Variants in SLC4A4 observed in about 807,000 individuals in gnomAD.
SLC4A4 encodes the protein solute carrier family 4 member 4.
Under a neutral mutation model 111.5 loss-of-function variants are expected in SLC4A4, and 27 were observed. The ratio of observed to expected loss-of-function variants is 0.24; its 90% CI spans 0.18 to 0.33. The LOEUF (loss-of-function observed/expected upper bound fraction) is 0.33, where lower values mean the gene tolerates loss of function less well. Among genes scored for constraint, SLC4A4 ranks in the 10% least tolerant of loss-of-function variants. The pLI, the probability that SLC4A4 is intolerant of heterozygous loss-of-function variation, is 1.00. For missense variants in SLC4A4, 909 were observed against 1,315.5 expected (o/e 0.69, Z 4.78); for synonymous variants, 443 against 463.4 (o/e 0.96, Z 0.57).
At chr4:71,159,433 G>A (rs1744563729) in intron 2 of SLC4A4, among the ~76,000 whole-genome samples, 1 of 152,034 alleles carries the variant, frequency 6.6e-6, no homozygotes, top group East Asian at 1.9e-4. Flanking sequence ...GAGTATAGTG[G>A]CGTGATCTTG....
chr4:71,242,702 T>C (rs1720339837), intron 2 of SLC4A4, among the ~76,000 whole-genome samples: 2 of 151,354 alleles, frequency 1.3e-5, no homozygotes, highest in African/African-American at 2.4e-5. Context: ...TATAATTTTC[T>C]TTTAATTACT....
chr4:71,149,561 A>G (rs1404467728), intron 2 of SLC4A4, among the ~76,000 whole-genome samples: 1 of 152,170 alleles, frequency 6.6e-6, no homozygotes, highest in Non-Finnish European at 1.5e-5. Context: ...AAATTCTGCA[A>G]GTCCTCTTAG....
intron 1 of SLC4A4, among the ~76,000 whole-genome samples, chr4:71,086,175 G>A (rs543641977): frequency 6.6e-6 from 1 of 151,572 alleles, no homozygotes; most frequent in African/African-American, 2.4e-5. Context: ...AATTGTGAAT[G>A]GGAGTTCACT....
intron 3 of SLC4A4, among the ~76,000 whole-genome samples, chr4:71,268,302 T>G (rs375041523): frequency 1.3e-5 from 2 of 152,126 alleles, no homozygotes; most frequent in African/African-American, 4.8e-5. Flanking sequence ...TCAGTAACAT[T>G]GGCTGTAAAT....
At chr4:71,248,316 A>T (rs962836253) in intron 2 of SLC4A4, among the ~76,000 whole-genome samples, 8 of 152,094 alleles carry the variant, frequency 5.3e-5, no homozygotes, top group Admixed American at 3.9e-4. Flanking sequence ...TGTACCAGAC[A>T]CAGTGGGAGA....
intron 16 of SLC4A4, among the ~76,000 whole-genome samples, chr4:71,510,125 G>C (rs555366339): frequency 4.6e-5 from 7 of 152,128 alleles, no homozygotes; most frequent in African/African-American, 1.7e-4. Flanking sequence ...CTCTCCTGTA[G>C]CAAGGACTTC....
At chr4:71,315,545 A>G (rs890189163) in intron 3 of SLC4A4, among the ~76,000 whole-genome samples, 2 of 152,120 alleles carry the variant, frequency 1.3e-5, no homozygotes, top group Admixed American at 1.3e-4. Flanking sequence ...GGCAGAGAAG[A>G]CTTAATTTTC....
At chr4:71,465,135 A>G (rs1386083592) in intron 12 of SLC4A4, among the ~76,000 whole-genome samples, 3 of 152,160 alleles carry the variant, frequency 2.0e-5, no homozygotes, top group South Asian at 4.2e-4. Flanking sequence ...GGTCATTTCA[A>G]TTAAAAGGCT....
intron 2 of SLC4A4, among the ~76,000 whole-genome samples, chr4:71,127,526 A>C (rs1297422486): frequency 1.3e-5 from 2 of 152,254 alleles, no homozygotes; most frequent in African/African-American, 4.8e-5. Flanking sequence ...AGACTTTTGA[A>C]TCACATTGTC....
chr4:71,313,803 A>C (rs2148857967), intron 3 of SLC4A4, among the ~76,000 whole-genome samples: 1 of 152,318 alleles, frequency 6.6e-6, no homozygotes. Flanking sequence ...TAAAACCTAA[A>C]ACTGTAAAAA....
intron 7 of SLC4A4, among the ~76,000 whole-genome samples, chr4:71,433,621 G>C (rs550729154): frequency 1.3e-5 from 2 of 152,228 alleles, no homozygotes; most frequent in East Asian, 3.9e-4. Context: ...TTGCTGTGCA[G>C]AAGCTCTTTA....
At chr4:71,410,399 AGAG>A (rs1388154031) in intron 7 of SLC4A4, among the ~76,000 whole-genome samples, 1 of 152,222 alleles carries the variant, frequency 6.6e-6, no homozygotes, top group Non-Finnish European at 1.5e-5. Flanking sequence ...AACTGGAGTC[AGAG>A]GAGATCATTT....
intron 16 of SLC4A4, among the ~76,000 whole-genome samples, chr4:71,527,306 G>A (rs1456685077): frequency 6.6e-6 from 1 of 152,024 alleles, no homozygotes; most frequent in African/African-American, 2.4e-5. Context: ...TAGCAATGGA[G>A]GTGATGAGAA....
intron 2 of SLC4A4, among the ~76,000 whole-genome samples, chr4:71,181,362 T>C (rs1302992235): frequency 6.6e-6 from 1 of 152,140 alleles, no homozygotes; most frequent in African/African-American, 2.4e-5. Flanking sequence ...ACTTAAAGTA[T>C]AATAAAAAAT....
At chr4:71,261,699 G>A (rs1721865830) in intron 3 of SLC4A4, among the ~76,000 whole-genome samples, 1 of 152,188 alleles carries the variant, frequency 6.6e-6, no homozygotes, top group African/African-American at 2.4e-5. Context: ...TCACCTTGAA[G>A]TGCCCTTCAA....
At chr4:71,196,196 C>T (rs991110281) in intron 1 of SLC4A4, among the ~76,000 whole-genome samples, 1 of 152,208 alleles carries the variant, frequency 6.6e-6, no homozygotes, top group African/African-American at 2.4e-5. Flanking sequence ...GAGATGAGCA[C>T]TCACGATGTT....
At chr4:71,339,580 C>T (rs1728720369) in intron 4 of SLC4A4, 75 bp downstream of exon 4, 1 of 1,473,660 alleles carries the variant, frequency 6.8e-7, no homozygotes, top group South Asian at 1.1e-5. Flanking sequence ...TCCTGGAGTG[C>T]CGTTCTTTAG....
At chr4:71,542,466 T>TA (rs915701000) in intron 18 of SLC4A4, among the ~76,000 whole-genome samples, 1 of 152,124 alleles carries the variant, frequency 6.6e-6, no homozygotes, top group Non-Finnish European at 1.5e-5. Flanking sequence ...GCTCTTGTGA[T>TA]AAAAAATTCC....
At chr4:71,277,607 C>T (rs200033527) in intron 3 of SLC4A4, among the ~76,000 whole-genome samples, 1 of 131,200 alleles carries the variant, frequency 7.6e-6, no homozygotes, top group African/African-American at 3.2e-5. Context: ...TCTCTCTCTC[C>T]TTCCTTCCTT....
Sources: allele counts gnomAD v4.1 joint callset (sites outside exome capture counted in the v4.1 genomes callset), GRCh38; gene constraint gnomAD v4.1.1; transcripts MANE v1.5; gene names NCBI Gene and HGNC (gene_info 2026-07-23, HGNC 2026-07-21).